P4HA3: variants seen among roughly 807,000 people sequenced by gnomAD.
The protein encoded by P4HA3 is prolyl 4-hydroxylase subunit alpha 3.
P4HA3 carries 60 observed loss-of-function variants against 66.7 expected under a neutral mutation model. The ratio of observed to expected loss-of-function variants is 0.90; its 90% CI spans 0.73 to 1.12. The LOEUF is 1.12. Ranked by LOEUF, P4HA3 falls within the 50% of genes most tolerant of loss-of-function variation. P4HA3 has a pLI of 0.00. For synonymous variants in P4HA3, 263 were observed against 274.6 expected (o/e 0.96, Z 0.42); for missense variants, 683 against 685.8 (o/e 1.00, Z 0.05).
intron 7 of P4HA3, among the ~76,000 whole-genome samples, chr11:74,281,317 A>G (rs1427862225): frequency 2.3e-4 from 35 of 151,928 alleles, no homozygotes; most frequent in African/African-American, 6.0e-4. Context: ...TCAGTGTGGC[A>G]ATTCCTCAGG....
chr11:74,309,351 T>C (rs1365929380), intron 1 of P4HA3, among the ~76,000 whole-genome samples: 1 of 152,144 alleles, frequency 6.6e-6, no homozygotes, highest in Admixed American at 6.5e-5. Flanking sequence ...GTTGTGATAA[T>C]GACAGTGGTG....
In P4HA3 at chr11:74,311,519, G is replaced by A; in HGVS notation, c.93C>T (p.Phe31=). 6.5e-7 allele frequency: 1 copy of A among 1,542,262 alleles called. No homozygotes were observed. The change falls in exon 1 of 13, where the codon TTC becomes TTT. Residue 31 remains phenylalanine, a synonymous_variant. Coordinates refer to ENST00000331597, the MANE Select transcript of P4HA3 (RefSeq NM_182904.5). The stretch of plus-strand genomic sequence containing the variant: ...CGCGCGCCACGCTGGTCAGCGCCGA[G>A]AACGTGTCGCCCCGAGCCGCAGCCC... ...PERAAARGDT[F]SALTSVARAL...
Position 74,266,980 on chromosome 11 carries a change from T to A in P4HA3, c.*268A>T. 9 of 1,451,120 alleles carry A rather than the reference T, an allele frequency of 6.2e-6. No individual in the cohort carries two copies. In the South Asian group the frequency reaches 1.2e-4, roughly 20 times the overall value. The allele number at this position is 1,451,120 out of a possible 1,614,324, so 89.9% of individuals were successfully genotyped here. A position where few individuals can be genotyped will look rare whatever the true frequency, so the allele number is the denominator to read the frequency against. On this transcript the variant is annotated 3_prime_UTR_variant, in exon 13 of 13. Transcript: ENST00000331597. ...TGTTCCCAACAGAGAGTATCTGAAC[T>A]CCAGAAACTTCCCTCTCAGGCCTCC...
chr11:74,290,870 A>T (rs1860996461), intron 4 of P4HA3, among the ~76,000 whole-genome samples: 1 of 152,188 alleles, frequency 6.6e-6, no homozygotes, highest in Non-Finnish European at 1.5e-5. Flanking sequence ...GTTTGAAGTC[A>T]GGTAGTGTGA....
chr11:74,281,979 G>A (rs1337302027), intron 7 of P4HA3, among the ~76,000 whole-genome samples: 1 of 151,260 alleles, frequency 6.6e-6, no homozygotes, highest in Middle Eastern at 3.2e-3. Flanking sequence ...TCTCACATGT[G>A]GCTCTACAAT....
chr11:74,302,794 T>C (rs1285019305), intron 2 of P4HA3, among the ~76,000 whole-genome samples: 2 of 152,240 alleles, frequency 1.3e-5, no homozygotes, highest in Non-Finnish European at 2.9e-5. Context: ...AATGAGTGAA[T>C]GAGGAATAAA....
In P4HA3 at chr11:74,273,590, G is replaced by T; in HGVS notation, c.1353C>A (p.Leu451=). Residue 451 remains leucine, a synonymous_variant, in exon 10 of 13, where the codon CTC becomes CTA. Transcript: ENST00000331597. ...CTCGGTTTCCTGACTTCATTCTGTA[G>T]AGGGGGCTGCTTGGTGACTGAGAAA... ...FDHATSPSSP[L]YRMKSGNRVA... The T allele has an allele frequency of 6.4e-7, 1 of 1,567,286 alleles. No homozygotes were observed. Among genetic ancestry groups the T allele is most frequent in the Non-Finnish European group, 8.6e-7 (1 of 1,160,866 alleles).
At chr11:74,309,467 G>A (rs891079834) in intron 1 of P4HA3, among the ~76,000 whole-genome samples, 1 of 152,144 alleles carries the variant, frequency 6.6e-6, no homozygotes, top group African/African-American at 2.4e-5. Context: ...AAGACCAGCA[G>A]GGGGATTTTG....
At position 74,269,738 on chromosome 11, in the gene P4HA3, G is replaced by T. The variant is rs1373048793; in HGVS notation, c.1399-18C>A. The T allele has an allele frequency of 6.2e-7, 1 of 1,613,264 alleles. No individual in the cohort carries two copies. Among genetic ancestry groups the T allele is most frequent in the East Asian group, 2.2e-5 (1 of 44,832 alleles). Reference sequence around the variant, plus strand: ...GAGCTCAGCTACAAGACCAGAGGAAGAAGCCAGAGTTAAAACTGCCACCGA... The same window carrying T: ...GAGCTCAGCTACAAGACCAGAGGAATAAGCCAGAGTTAAAACTGCCACCGA... On this transcript the variant is annotated intron_variant, in intron 10 of 12. Coordinates refer to ENST00000331597, the MANE Select transcript of P4HA3 (RefSeq NM_182904.5).
At chr11:74,262,145 G>A (rs142774860), downstream of P4HA3, among the ~76,000 whole-genome samples, 189 of 152,262 alleles carry the variant, frequency 1.2e-3, 1 homozygote, top group African/African-American at 4.4e-3. Flanking sequence ...CCATCTGAGC[G>A]ATGCCCTTGA....
chr11:74,299,429 C>A (rs1861331328), intron 3 of P4HA3, among the ~76,000 whole-genome samples: 1 of 152,130 alleles, frequency 6.6e-6, no homozygotes, highest in Non-Finnish European at 1.5e-5. Flanking sequence ...TCCTTCAAGT[C>A]TGCCATTAAC....
downstream of P4HA3, among the ~76,000 whole-genome samples, chr11:74,262,022 T>G (rs998967351): frequency 6.6e-6 from 1 of 152,136 alleles, no homozygotes; most frequent in Non-Finnish European, 1.5e-5. Context: ...TCCAGTCCCA[T>G]AACGTGATAA....
chr11:74,293,552 T>C (rs141509490), intron 4 of P4HA3, among the ~76,000 whole-genome samples: 1,972 of 152,338 alleles, frequency 0.013, 16 homozygotes, highest in Non-Finnish European at 0.019. Flanking sequence ...CGATGGTCTT[T>C]ACAATTTGAC....
At chr11:74,259,279 T>G (rs1859872148) in intron 15 of P4HA3, among the ~76,000 whole-genome samples, 1 of 152,188 alleles carries the variant, frequency 6.6e-6, no homozygotes, top group Non-Finnish European at 1.5e-5. Flanking sequence ...CTCAGGAGGC[T>G]GACGCAGGAG....
chr11:74,266,838 C>G lies in P4HA3; in HGVS notation c.*410G>C. ...GCAGTGGGGAGAAAGTCTTAAAGTT[C>G]TGGGAGTCAGGCTAGCCCCTCCTGC... On this transcript the variant is annotated 3_prime_UTR_variant, in exon 13 of 13. Transcript: ENST00000331597. 1.5e-5 allele frequency: 9 copies of G among 607,110 alleles called. No individual in the cohort carries two copies. Among genetic ancestry groups the G allele is most frequent in the Non-Finnish European group, 2.2e-5 (8 of 358,572 alleles). 37.6% of individuals were successfully genotyped at this position (607,110 alleles called of 1,614,324 possible). A position where few individuals can be genotyped will look rare whatever the true frequency, so the allele number is the denominator to read the frequency against.
chr11:74,311,565 A>G lies in P4HA3; in HGVS notation c.47T>C (p.Leu16Pro). ...AGCCCTTTCTGGGTCTCCTGTCCCG[A>G]GCGCCAGCACCGCCAGCAGCGCCGC... ...RLAALLAVLALGTGDPERAAA... is the reference protein window; with the variant it reads ...RLAALLAVLAPGTGDPERAAA... Residue 16 changes from leucine to proline, a missense_variant, in exon 1 of 13, where the codon CTC becomes CCC. Physicochemically the swap from Leu to Pro is moderately conservative, Grantham distance 98 (BLOSUM62 -3). Transcript: ENST00000331597. 6.5e-7 allele frequency: 1 copy of G among 1,538,374 alleles called. No homozygotes were observed. The highest frequency in any genetic ancestry group is 2.6e-5 in the East Asian group (1 of 38,616).
chr11:74,265,964 T>G (rs887813453), downstream of P4HA3, among the ~76,000 whole-genome samples: 2 of 152,014 alleles, frequency 1.3e-5, no homozygotes, highest in Non-Finnish European at 2.9e-5. Flanking sequence ...GAAAACAAAG[T>G]CAGTTCATAT....
intron 7 of P4HA3, among the ~76,000 whole-genome samples, chr11:74,284,926 G>A (rs915748846): frequency 6.6e-6 from 1 of 152,132 alleles, no homozygotes; most frequent in Non-Finnish European, 1.5e-5. Context: ...AGACTCAGTT[G>A]AAGCCCTGCA....
chr11:74,250,831 C>T (rs1859638960), intron 15 of P4HA3: 1 of 746,530 alleles, frequency 1.3e-6, no homozygotes, highest in South Asian at 1.7e-5. Flanking sequence ...TAATTGGGTC[C>T]AGAGTATTGA....
Sources: gnomAD v4.1 joint callset for allele counts (sites outside exome capture counted in the v4.1 genomes callset) on GRCh38, gnomAD v4.1.1 for gene constraint, MANE v1.5 for transcripts, NCBI Gene and HGNC (gene_info 2026-07-23, HGNC 2026-07-21) for gene names.